PVT1: variants seen among roughly 807,000 people sequenced by gnomAD.
PVT1 encodes the protein Pvt1 oncogene.
intron 4 of PVT1, chr8:128,010,580 C>T (rs781174416): frequency 3.3e-5 from 5 of 152,176 alleles, no homozygotes; most frequent in Non-Finnish European, 5.9e-5. Flanking sequence ...GGTGAAACCT[C>T]ATTGGCTACG....
intron 3 of PVT1, among the ~76,000 whole-genome samples, chr8:127,924,508 ATTTTT>A (rs140569442): frequency 4.3e-5 from 4 of 92,206 alleles, no homozygotes. Context: ...TAACTTTTGT[ATTTTT>A]TTTTTTTTTT....
At chr8:127,917,496 A>T (rs1424034968) in intron 3 of PVT1, among the ~76,000 whole-genome samples, 1 of 152,220 alleles carries the variant, frequency 6.6e-6, no homozygotes, top group Non-Finnish European at 1.5e-5. Context: ...ACTGGTCTTG[A>T]TCCAGGGGAA....
chr8:127,974,234 C>G (rs144556610), intron 3 of PVT1, among the ~76,000 whole-genome samples: 2 of 152,274 alleles, frequency 1.3e-5, no homozygotes, highest in Non-Finnish European at 2.9e-5. Flanking sequence ...CCATTGGTGC[C>G]TACAGTTTCC....
rs549457380 is a variant in PVT1 at position 128,075,751 on chromosome 8, G to C, written n.1114+5390G>C. 1.9e-3 allele frequency among the ~76,000 whole-genome samples: 287 copies of C among 152,260 alleles called. 1 individual carries two copies. The highest frequency in any genetic ancestry group is 3.4e-3 in the Middle Eastern group (1 of 294). ...AATATATTGAGGAGTGCTATCCATGGTAGCCACTCTATTCTTTTTAACTGC... is the reference window on the plus strand; with the variant it reads ...AATATATTGAGGAGTGCTATCCATGCTAGCCACTCTATTCTTTTTAACTGC... On this transcript the variant is annotated intron_variant and non_coding_transcript_variant, in intron 5 of 10. Coordinates refer to ENST00000651587, the Ensembl canonical transcript of PVT1.
intron 3 of PVT1, among the ~76,000 whole-genome samples, chr8:127,941,083 G>T (rs73359215): frequency 0.019 from 2,895 of 152,304 alleles, 97 homozygotes; most frequent in African/African-American, 0.066. Context: ...CTTGCTGGCT[G>T]TCCAGATGCA....
chr8:127,814,899 C>T (rs150252135), intron 2 of PVT1, among the ~76,000 whole-genome samples: 7 of 152,268 alleles, frequency 4.6e-5, no homozygotes, highest in Admixed American at 3.9e-4. Flanking sequence ...CCTAAGCATC[C>T]GTATAGGTGG....
At chr8:127,958,766 T>C (rs1209783706) in intron 3 of PVT1, among the ~76,000 whole-genome samples, 1 of 152,110 alleles carries the variant, frequency 6.6e-6, no homozygotes, top group Non-Finnish European at 1.5e-5. Context: ...GCTCGGTGAC[T>C]CCAGAATTTT....
chr8:127,921,592 AT>A (rs1816058034), intron 3 of PVT1, among the ~76,000 whole-genome samples: 1 of 152,110 alleles, frequency 6.6e-6, no homozygotes, highest in African/African-American at 2.4e-5. Flanking sequence ...AGGGAGGATC[AT>A]TTGAGGCCAG....
intron 2 of PVT1, among the ~76,000 whole-genome samples, chr8:127,880,336 G>C (rs1390817060): frequency 1.3e-5 from 2 of 152,142 alleles, no homozygotes. Flanking sequence ...TGTCCCCCAG[G>C]CTGGAGTGCA....
chr8:127,817,562 T>C lies in PVT1; in HGVS notation n.372+21491T>C, dbSNP rs868602806. Among the ~76,000 whole-genome samples the C allele has an allele frequency of 2.9e-3, 347 of 118,620 alleles. 1 individual carries two copies. The highest frequency in any genetic ancestry group is 0.01 in the African/African-American group (294 of 28,138). The allele number at this position is 118,620 out of a possible 152,430, so 77.8% of individuals were successfully genotyped here. A position where few individuals can be genotyped will look rare whatever the true frequency, so the allele number is the denominator to read the frequency against. ...ATATATATATACACACACACACACA[T>C]ATATATATATATTTCCCTAAGGGTT... On this transcript the variant is annotated intron_variant and non_coding_transcript_variant, in intron 2 of 10. Coordinates refer to ENST00000651587, the Ensembl canonical transcript of PVT1.
chr8:127,850,606 T>C (rs1815097027), intron 2 of PVT1, among the ~76,000 whole-genome samples: 1 of 152,246 alleles, frequency 6.6e-6, no homozygotes, highest in African/African-American at 2.4e-5. Flanking sequence ...ACATAATTGG[T>C]GTCTGCACAT....
intron 2 of PVT1, among the ~76,000 whole-genome samples, chr8:127,800,361 G>T (rs1366596512): frequency 6.6e-6 from 1 of 152,128 alleles, no homozygotes; most frequent in East Asian, 1.9e-4. Context: ...TGAAGCTTCT[G>T]TCCTAGTGGA....
intron 3 of PVT1, among the ~76,000 whole-genome samples, chr8:127,970,326 C>A (rs1816751641): frequency 1.4e-5 from 1 of 72,294 alleles, no homozygotes; most frequent in Non-Finnish European, 2.6e-5. Context: ...GAGATAGAGT[C>A]TTACTCTGTC....
chr8:128,044,159 T>C (rs979312467), intron 4 of PVT1, among the ~76,000 whole-genome samples: 1 of 151,714 alleles, frequency 6.6e-6, no homozygotes, highest in Non-Finnish European at 1.5e-5. Context: ...CCAAACATCT[T>C]ATTGGACAAG....
At chr8:128,099,487 C>T (rs1264949993) in intron 6 of PVT1, 1 of 152,344 alleles carries the variant, frequency 6.6e-6, no homozygotes, top group Non-Finnish European at 1.5e-5. Context: ...TCCACGCCTT[C>T]CCTCCTTCTG....
chr8:128,020,174 A>G (rs1251721459), intron 4 of PVT1, among the ~76,000 whole-genome samples: 1 of 152,214 alleles, frequency 6.6e-6, no homozygotes, highest in Admixed American at 6.5e-5. Flanking sequence ...GAAGCAGAGA[A>G]GCTCTGGTAA....
At chr8:127,815,671 C>T (rs980874997) in intron 2 of PVT1, among the ~76,000 whole-genome samples, 1 of 152,198 alleles carries the variant, frequency 6.6e-6, no homozygotes, top group African/African-American at 2.4e-5. Context: ...CCCAAAAAAT[C>T]CCAACATATT....
At chr8:128,049,982 A>G (rs1467954947) in intron 4 of PVT1, among the ~76,000 whole-genome samples, 1 of 152,196 alleles carries the variant, frequency 6.6e-6, no homozygotes, top group Non-Finnish European at 1.5e-5. Context: ...CAAGGGCTTC[A>G]GGGTGGGCAA....
chr8:127,814,815 A>G (rs1051721817), intron 2 of PVT1, among the ~76,000 whole-genome samples: 1 of 151,970 alleles, frequency 6.6e-6, no homozygotes, highest in Non-Finnish European at 1.5e-5. Context: ...GAAACTCTGC[A>G]CTCATTAAAC....
Sources: gnomAD v4.1 joint callset for allele counts (sites outside exome capture counted in the v4.1 genomes callset) on GRCh38, gnomAD v4.1.1 for gene constraint, MANE v1.5 for transcripts, NCBI Gene and HGNC (gene_info 2026-07-23, HGNC 2026-07-21) for gene names.